The following PPP2R2C variants were observed in gnomAD, a reference collection of about 807,000 sequenced individuals.
The protein encoded by PPP2R2C is protein phosphatase 2, regulatory subunit B, gamma.
Under a neutral mutation model 45.3 loss-of-function variants are expected in PPP2R2C, and 10 were observed. That is an observed-to-expected ratio of 0.22 (90% confidence interval 0.14 to 0.37). The LOEUF (loss-of-function observed/expected upper bound fraction) is 0.37, where lower values mean the gene tolerates loss of function less well. Among genes scored for constraint, PPP2R2C ranks in the 10% least tolerant of loss-of-function variants. The pLI, the probability that PPP2R2C is intolerant of heterozygous loss-of-function variation, is 1.00. For missense variants in PPP2R2C, 308 were observed against 619.7 expected (o/e 0.50, Z 5.34); for synonymous variants, 257 against 245.4 (o/e 1.05, Z -0.44).
intron 1 of PPP2R2C, among the ~76,000 whole-genome samples, chr4:6,445,201 A>AT (rs1720357540): frequency 6.6e-6 from 1 of 151,018 alleles, no homozygotes; most frequent in African/African-American, 2.5e-5. Context: ...CAAAAGCAAA[A>AT]TAAAAACAAA....
chr4:6,346,406 A>C (rs1711935337), intron 6 of PPP2R2C, among the ~76,000 whole-genome samples: 1 of 151,898 alleles, frequency 6.6e-6, no homozygotes, highest in East Asian at 1.9e-4. Flanking sequence ...TGTCCGTTCC[A>C]CTGTGGTCTC....
At chr4:6,487,690 G>GT (rs1030503597) in intron 2 of PPP2R2C, among the ~76,000 whole-genome samples, 13 of 151,892 alleles carry the variant, frequency 8.6e-5, no homozygotes, top group Middle Eastern at 3.4e-3. Flanking sequence ...CCTTAGTGTG[G>GT]TTTTTTCCCA....
At chr4:6,401,236 C>T (rs56313471) in intron 1 of PPP2R2C, among the ~76,000 whole-genome samples, 1,933 of 152,234 alleles carry the variant, frequency 0.013, 44 homozygotes, top group African/African-American at 0.043. Context: ...AGACTTTCCC[C>T]TCCATCTCCT....
intron 1 of PPP2R2C, chr4:6,382,677 A>C (rs62285931): frequency 8.5e-6 from 1 of 117,798 alleles, no homozygotes; most frequent in Non-Finnish European, 1.5e-5. Context: ...TCTCTCTCTC[A>C]CACACACACA....
chr4:6,534,242 CAT>C (rs1724509091), intron 2 of PPP2R2C, among the ~76,000 whole-genome samples: 1 of 150,482 alleles, frequency 6.6e-6, no homozygotes. Flanking sequence ...CACCAACACA[CAT>C]ACACACACAG....
chr4:6,363,213 T>C (rs1277279247), intron 5 of PPP2R2C, among the ~76,000 whole-genome samples: 1 of 152,144 alleles, frequency 6.6e-6, no homozygotes, highest in Admixed American at 6.5e-5. Flanking sequence ...TGTGTGCTGG[T>C]AACTTGAACA....
At chr4:6,414,566 C>T (rs1342592060) in intron 1 of PPP2R2C, among the ~76,000 whole-genome samples, 1 of 151,994 alleles carries the variant, frequency 6.6e-6, no homozygotes, top group East Asian at 1.9e-4. Flanking sequence ...CACAGACAGC[C>T]AGTATCTGGA....
intron 1 of PPP2R2C, among the ~76,000 whole-genome samples, chr4:6,403,173 C>T (rs1417097184): frequency 6.6e-6 from 1 of 152,214 alleles, no homozygotes; most frequent in Non-Finnish European, 1.5e-5. Context: ...AGATTACTGC[C>T]GCTGGCCGGG....
At chr4:6,554,456 A>C (rs1725294002) in intron 1 of PPP2R2C, among the ~76,000 whole-genome samples, 1 of 152,150 alleles carries the variant, frequency 6.6e-6, no homozygotes, top group African/African-American at 2.4e-5. Context: ...GAGACAATCA[A>C]TTTCCTTTCT....
At chr4:6,406,664 G>A (rs942681129) in intron 1 of PPP2R2C, among the ~76,000 whole-genome samples, 3 of 152,194 alleles carry the variant, frequency 2.0e-5, no homozygotes, top group Non-Finnish European at 2.9e-5. Context: ...GGCTGAGGCA[G>A]GAGAATCCAT....
chr4:6,532,772 C>A (rs1724446786), intron 2 of PPP2R2C, among the ~76,000 whole-genome samples: 1 of 152,202 alleles, frequency 6.6e-6, no homozygotes, highest in African/African-American at 2.4e-5. Flanking sequence ...TCCGCTGCCA[C>A]CACCATCACC....
intron 1 of PPP2R2C, among the ~76,000 whole-genome samples, chr4:6,446,353 C>T (rs1720418978): frequency 2.0e-5 from 3 of 152,154 alleles, no homozygotes; most frequent in Admixed American, 6.5e-5. Flanking sequence ...CGTAGCTTCC[C>T]ACCCCCATCG....
chr4:6,530,643 A>G (rs923014666), intron 2 of PPP2R2C, among the ~76,000 whole-genome samples: 1 of 152,122 alleles, frequency 6.6e-6, no homozygotes, highest in Non-Finnish European at 1.5e-5. Flanking sequence ...GCCCCCCACA[A>G]CAGGCTGTGT....
chr4:6,394,206 G>A (rs755312064), intron 1 of PPP2R2C, among the ~76,000 whole-genome samples: 1 of 152,188 alleles, frequency 6.6e-6, no homozygotes, highest in African/African-American at 2.4e-5. Flanking sequence ...ACTGGTAAAG[G>A]GGAGACTGGT....
chr4:6,405,320 C>T (rs1470904017), intron 1 of PPP2R2C, among the ~76,000 whole-genome samples: 6 of 152,228 alleles, frequency 3.9e-5, no homozygotes, highest in African/African-American at 1.4e-4. Flanking sequence ...CTGCTCCCAC[C>T]TCTGCCTGTT....
rs528851721 is a variant in PPP2R2C, at chr4:6,344,035, A to C, written c.790+3811T>G. ...GCCGCCAGAGGTCAGCATGTTGCCAACCTCCCAGGTGAGTCACTGAGCACA... is the reference window on the plus strand; with the variant it reads ...GCCGCCAGAGGTCAGCATGTTGCCACCCTCCCAGGTGAGTCACTGAGCACA... On this transcript the variant is annotated intron_variant, in intron 6 of 8. Transcript: ENST00000382599. Among the ~76,000 whole-genome samples, 192 of 152,322 alleles carry C rather than the reference A, an allele frequency of 1.3e-3. 1 individual carries two copies. The highest frequency in any genetic ancestry group is 4.6e-3 in the African/African-American group (191 of 41,578).
chr4:6,349,151 A>G (rs1712294974), intron 5 of PPP2R2C: 1 of 984,964 alleles, frequency 1.0e-6, no homozygotes, highest in African/African-American at 1.8e-5. Context: ...CATCACCCTG[A>G]CAGAAAGGCC....
chr4:6,487,884 GTC>G (rs1722577344), intron 2 of PPP2R2C, among the ~76,000 whole-genome samples: 2 of 152,072 alleles, frequency 1.3e-5, no homozygotes, highest in African/African-American at 2.4e-5. Flanking sequence ...CAATGAGAAA[GTC>G]TCTGTTTCTT....
At chr4:6,533,826 C>T (rs563143491) in intron 2 of PPP2R2C, among the ~76,000 whole-genome samples, 3 of 152,186 alleles carry the variant, frequency 2.0e-5, no homozygotes, top group South Asian at 2.1e-4. Flanking sequence ...CCCGGGTGGC[C>T]GTTACATAGC....
Sources: allele counts gnomAD v4.1 joint callset (sites outside exome capture counted in the v4.1 genomes callset), GRCh38; gene constraint gnomAD v4.1.1; transcripts MANE v1.5; gene names NCBI Gene and HGNC (gene_info 2026-07-23, HGNC 2026-07-21).